Variants in ZFAND3 observed in about 807,000 individuals in gnomAD.
ZFAND3 encodes AN1-type zinc finger protein 3.
A neutral mutation model predicts 29.6 loss-of-function variants in ZFAND3; 10 were observed. That is an observed-to-expected ratio of 0.34 (90% confidence interval 0.21 to 0.57). The LOEUF (loss-of-function observed/expected upper bound fraction) is 0.57. Ranked by LOEUF, ZFAND3 falls within the 20% of genes least tolerant of loss-of-function variation. ZFAND3 has a pLI of 0.86. For synonymous variants in ZFAND3, 128 were observed against 112.6 expected (o/e 1.14, Z -0.87); for missense variants, 230 against 304.5 (o/e 0.76, Z 1.82).
At chr6:37,965,237 A>G (rs1402226176) in intron 2 of ZFAND3, among the ~76,000 whole-genome samples, 1 of 152,150 alleles carries the variant, frequency 6.6e-6, no homozygotes, top group African/African-American at 2.4e-5. Flanking sequence ...TAATTTCTCT[A>G]CTTACTTTGT....
At chr6:38,093,378 C>T (rs544581258) in intron 4 of ZFAND3, among the ~76,000 whole-genome samples, 1 of 152,132 alleles carries the variant, frequency 6.6e-6, no homozygotes, top group African/African-American at 2.4e-5. Context: ...AGGAAGAAAA[C>T]TTGATTGAAA....
At chr6:38,126,765 A>T (rs987591759) in intron 5 of ZFAND3, among the ~76,000 whole-genome samples, 1 of 152,168 alleles carries the variant, frequency 6.6e-6, no homozygotes, top group African/African-American at 2.4e-5. Context: ...CAAAATTGCC[A>T]TCTTAATATT....
chr6:38,085,358 A>G (rs984952366), intron 4 of ZFAND3, among the ~76,000 whole-genome samples: 7 of 152,232 alleles, frequency 4.6e-5, no homozygotes, highest in African/African-American at 7.2e-5. Context: ...CTCCCATCCA[A>G]TCTATCCATA....
chr6:38,126,216 TC>T (rs1765631863), intron 5 of ZFAND3, among the ~76,000 whole-genome samples: 1 of 152,256 alleles, frequency 6.6e-6, no homozygotes, highest in Non-Finnish European at 1.5e-5. Flanking sequence ...TTGAAATTCA[TC>T]CATATTATAT....
At chr6:37,918,554 T>C (rs564980218) in intron 1 of ZFAND3, among the ~76,000 whole-genome samples, 2 of 152,348 alleles carry the variant, frequency 1.3e-5, no homozygotes, top group South Asian at 2.1e-4. Context: ...AATAATACTT[T>C]AGGTTACTTT....
At chr6:37,901,410 C>T (rs1388419868) in intron 1 of ZFAND3, among the ~76,000 whole-genome samples, 3 of 152,098 alleles carry the variant, frequency 2.0e-5, no homozygotes, top group East Asian at 3.8e-4. Flanking sequence ...AACTGAAGTT[C>T]GAGACCAGCC....
chr6:37,824,432 T>A (rs1296215250), intron 1 of ZFAND3, among the ~76,000 whole-genome samples: 1 of 152,184 alleles, frequency 6.6e-6, no homozygotes, highest in Non-Finnish European at 1.5e-5. Context: ...AAAATAAGTA[T>A]AAGAATATAG....
At chr6:37,889,691 T>C (rs952363141) in intron 1 of ZFAND3, among the ~76,000 whole-genome samples, 75 of 152,366 alleles carry the variant, frequency 4.9e-4, no homozygotes, top group African/African-American at 1.8e-3. Context: ...TCCTGGAATG[T>C]GCCATGGGGC....
chr6:37,932,247 C>T (rs185892153), intron 2 of ZFAND3, among the ~76,000 whole-genome samples: 10 of 144,468 alleles, frequency 6.9e-5, no homozygotes, highest in Non-Finnish European at 1.2e-4. Context: ...CCAGCCAGAA[C>T]GAGACTCTGT....
intron 2 of ZFAND3, among the ~76,000 whole-genome samples, chr6:38,033,133 T>C (rs539438219): frequency 3.9e-5 from 6 of 152,306 alleles, no homozygotes; most frequent in Non-Finnish European, 7.4e-5. Context: ...TAAACTCTTA[T>C]CCAAGAGCTA....
intron 5 of ZFAND3, among the ~76,000 whole-genome samples, chr6:38,133,813 A>G (rs1426947852): frequency 1.3e-5 from 2 of 151,966 alleles, no homozygotes; most frequent in African/African-American, 4.8e-5. Flanking sequence ...TGAAACTGAA[A>G]CTTTGAAGCT....
intron 2 of ZFAND3, among the ~76,000 whole-genome samples, chr6:37,950,628 C>T (rs568256164): frequency 6.6e-5 from 10 of 152,210 alleles, no homozygotes; most frequent in African/African-American, 1.9e-4. Context: ...ATCCACCCAC[C>T]TCGGCCTCCC....
chr6:37,973,800 C>T (rs945319823), intron 2 of ZFAND3, among the ~76,000 whole-genome samples: 2 of 152,174 alleles, frequency 1.3e-5, no homozygotes, highest in Admixed American at 6.5e-5. Flanking sequence ...AATTTAAGGA[C>T]TGTCTTTTCT....
At chr6:37,904,969 G>T (rs917047998) in intron 1 of ZFAND3, among the ~76,000 whole-genome samples, 1 of 152,126 alleles carries the variant, frequency 6.6e-6, no homozygotes, top group Non-Finnish European at 1.5e-5. Context: ...ATGTGTATGA[G>T]CAGTTGGAAT....
intron 1 of ZFAND3, among the ~76,000 whole-genome samples, chr6:37,916,501 T>TA (rs113790481): frequency 0.36 from 54,775 of 150,770 alleles, 10,954 homozygotes; most frequent in Non-Finnish European, 0.47. Flanking sequence ...CTACTAAAAA[T>TA]AAAAAAAAAT....
intron 2 of ZFAND3, among the ~76,000 whole-genome samples, chr6:38,009,255 G>A (rs375394059): frequency 2.6e-5 from 4 of 152,220 alleles, no homozygotes; most frequent in African/African-American, 7.2e-5. Context: ...CTGATGCCAG[G>A]TACTGTTTTG....
At chr6:37,909,842 C>T (rs1765489420) in intron 1 of ZFAND3, among the ~76,000 whole-genome samples, 1 of 152,024 alleles carries the variant, frequency 6.6e-6, no homozygotes, top group Non-Finnish European at 1.5e-5. Context: ...GCTCTTTGCT[C>T]TATCATTGAT....
At chr6:38,051,494 T>C (rs555838993) in intron 2 of ZFAND3, among the ~76,000 whole-genome samples, 47 of 152,214 alleles carry the variant, frequency 3.1e-4, no homozygotes, top group Non-Finnish European at 4.9e-4. Context: ...TTCTGTGCCA[T>C]TGGAGTAATT....
At chr6:38,141,310 A>G (rs1223063176) in intron 5 of ZFAND3, among the ~76,000 whole-genome samples, 2 of 152,210 alleles carry the variant, frequency 1.3e-5, no homozygotes, top group Non-Finnish European at 1.5e-5. Flanking sequence ...GGAAATAGAC[A>G]TGAGGCTTTT....
Sources: allele counts gnomAD v4.1 joint callset (sites outside exome capture counted in the v4.1 genomes callset), GRCh38; gene constraint gnomAD v4.1.1; transcripts MANE v1.5; gene names NCBI Gene and HGNC (gene_info 2026-07-23, HGNC 2026-07-21).